The following MTMR14 variants were observed in gnomAD, a reference collection of about 807,000 sequenced individuals.
The protein encoded by MTMR14 is myotubularin related protein 14, also known as phosphatidylinositol-3,5-bisphosphate 3-phosphatase MTMR14.
Under a neutral mutation model 86.3 loss-of-function variants are expected in MTMR14, and 48 were observed. The ratio of observed to expected loss-of-function variants is 0.56; its 90% confidence interval spans 0.44 to 0.71. The LOEUF (loss-of-function observed/expected upper bound fraction) is 0.71. MTMR14 is among the 30% of genes least tolerant of loss of function. MTMR14 has a pLI of 0.00. For missense variants in MTMR14, 780 were observed against 834.6 expected (o/e 0.93, Z 0.81); for synonymous variants, 366 against 326.1 (o/e 1.12, Z -1.32).
chr3:9,662,256 C>T lies in MTMR14; in HGVS notation c.309-11C>T, dbSNP rs1407101948. 1.2e-6 allele frequency: 2 copies of T among 1,611,694 alleles called. No homozygotes were observed. The highest frequency in any genetic ancestry group is 1.7e-6 in the Non-Finnish European group (2 of 1,178,776). On this transcript the variant is annotated splice_polypyrimidine_tract_variant and intron_variant, in intron 2 of 18. Coordinates refer to ENST00000296003, the MANE Select transcript of MTMR14 (RefSeq NM_001077525.3). ...AGTCAGCTTGACCTGCTTCTCTTGC[C>T]TGTGTGTTAGGTTTGAGAGTACCGT...
chr3:9,692,533 C>T (rs540319141), intron 17 of MTMR14, among the ~76,000 whole-genome samples: 1 of 152,368 alleles, frequency 6.6e-6, no homozygotes, highest in South Asian at 2.1e-4. Context: ...GCTCTGAGCT[C>T]ACATGCCTCC....
chr3:9,688,706 T>C lies in MTMR14; in HGVS notation c.1246T>C (p.Leu416=), dbSNP rs760874656. The C allele has an allele frequency of 2.9e-5, 47 of 1,613,996 alleles. No homozygotes were observed. The Middle Eastern group carries it at 4.9e-4, about 17-fold the overall frequency. ...GGCTTCCATTTCTAGGAGGAAGAGTTTGCCAGCCCGGGATGGAGGCTTCAC... is the reference window on the plus strand; with the variant it reads ...GGCTTCCATTTCTAGGAGGAAGAGTCTGCCAGCCCGGGATGGAGGCTTCAC... ...SALKTQRRKS[L]PARDGGFTLE... Residue 416 remains leucine, a synonymous_variant, in exon 15 of 19, where the codon TTG becomes CTG. Transcript: ENST00000296003.
intron 2 of MTMR14, chr3:9,659,763 T>C: frequency 2.2e-6 from 1 of 456,656 alleles, no homozygotes; most frequent in South Asian, 1.5e-5. Context: ...TGGAGCTTGA[T>C]GTAGGGGAAC....
chr3:9,665,969 C>T lies in MTMR14; in HGVS notation c.418-2750C>T, dbSNP rs1222372699. On this transcript the variant is annotated intron_variant, in intron 3 of 18. Transcript: ENST00000296003. The stretch of plus-strand genomic sequence containing the variant: ...GTCTCGATCTCCTGACCTCGTGATC[C>T]GCCCGTCTCGGCCTCCCAAAGTGCT... 4.6e-5 allele frequency among the ~76,000 whole-genome samples: 7 copies of T among 151,486 alleles called. No individual in the cohort carries two copies. In the East Asian group the frequency reaches 9.7e-4, roughly 21 times the overall value.
intron 9 of MTMR14, among the ~76,000 whole-genome samples, chr3:9,679,280 C>T (rs2075682288): frequency 6.6e-6 from 1 of 152,174 alleles, no homozygotes; most frequent in African/African-American, 2.4e-5. Flanking sequence ...GGTCTGGAAG[C>T]CTGGAGAAGG....
rs2047586814 is a variant in MTMR14, at chr3:9,656,101, A to G, written c.308+2332A>G. Among the ~76,000 whole-genome samples the G allele has an allele frequency of 1.3e-5, 2 of 152,082 alleles. 1 individual carries two copies. The highest frequency in any genetic ancestry group is 4.2e-4 in the South Asian group (2 of 4,816). On this transcript the variant is annotated intron_variant, in intron 2 of 18. Coordinates refer to ENST00000296003, the MANE Select transcript of MTMR14 (RefSeq NM_001077525.3). ...TCCCAGCTACTCGGGAGGCTGAGGCAGGAGAATCACTTGAACCCAGGAGGC... is the reference window on the plus strand; with the variant it reads ...TCCCAGCTACTCGGGAGGCTGAGGCGGGAGAATCACTTGAACCCAGGAGGC...
At chr3:9,652,361 T>C (rs962569369) in intron 1 of MTMR14, among the ~76,000 whole-genome samples, 4 of 152,228 alleles carry the variant, frequency 2.6e-5, no homozygotes, top group African/African-American at 9.6e-5. Flanking sequence ...TAGGGGGAGC[T>C]GTTTCTTCTA....
intron 15 of MTMR14, 60 bp from the exon 16 acceptor site, chr3:9,688,883 AG>A: frequency 6.2e-7 from 1 of 1,612,830 alleles, no homozygotes; most frequent in East Asian, 2.2e-5. Flanking sequence ...GGTATAGAAA[AG>A]GTGGGGGACC....
At chr3:9,688,450 C>T (rs959132021) in intron 14 of MTMR14, among the ~76,000 whole-genome samples, 1 of 152,218 alleles carries the variant, frequency 6.6e-6, no homozygotes, top group Non-Finnish European at 1.5e-5. Context: ...ACGCTCAGGG[C>T]ACAAGCTGAT....
At chr3:9,673,962 GATGATGATA>G (rs1352059695) in intron 7 of MTMR14, among the ~76,000 whole-genome samples, 1 of 152,218 alleles carries the variant, frequency 6.6e-6, no homozygotes, top group African/African-American at 2.4e-5. Context: ...TGATGATGAT[GATGATGATA>G]ATGATGCTGG....
intron 3 of MTMR14, 86 bp downstream of exon 3, chr3:9,662,461 C>A: frequency 9.0e-7 from 1 of 1,105,872 alleles, no homozygotes; most frequent in Non-Finnish European, 1.4e-6. Flanking sequence ...TTTTTTCCCT[C>A]AACATTAGTA....
chr3:9,656,107 A>G (rs540370372), intron 2 of MTMR14, among the ~76,000 whole-genome samples: 2 of 152,214 alleles, frequency 1.3e-5, no homozygotes, highest in African/African-American at 2.4e-5. Context: ...AGGCAGGAGA[A>G]TCACTTGAAC....
intron 17 of MTMR14, among the ~76,000 whole-genome samples, chr3:9,691,130 TA>T (rs2076126437): frequency 6.6e-6 from 1 of 152,336 alleles, no homozygotes; most frequent in Non-Finnish European, 1.5e-5. Context: ...GCAGAGCAGA[TA>T]AGCGGGAGGC....
intron 17 of MTMR14, among the ~76,000 whole-genome samples, chr3:9,690,351 A>G (rs894798228): frequency 2.6e-5 from 4 of 152,214 alleles, no homozygotes; most frequent in South Asian, 2.1e-4. Flanking sequence ...GAACCCTAGC[A>G]TAATGCAGGG....
At chr3:9,691,245 G>A (rs1359681675) in intron 17 of MTMR14, among the ~76,000 whole-genome samples, 2 of 152,202 alleles carry the variant, frequency 1.3e-5, no homozygotes, top group Admixed American at 1.3e-4. Flanking sequence ...CTGAGCCTGT[G>A]AAACCACCGC....
intron 16 of MTMR14, 148 bp from the exon 17 acceptor site, chr3:9,689,816 C>G (rs1231231089): frequency 1.3e-6 from 1 of 747,320 alleles, no homozygotes; most frequent in African/African-American, 1.7e-5. Flanking sequence ...CTGCCCATGG[C>G]CCTGAGCTGG....
chr3:9,654,608 T>C (rs769171407), intron 2 of MTMR14, among the ~76,000 whole-genome samples: 2 of 152,244 alleles, frequency 1.3e-5, no homozygotes, highest in African/African-American at 2.4e-5. Context: ...CCCTACTTCC[T>C]GCTGATTTTA....
At chr3:9,672,073 A>G (rs2048593366) in intron 6 of MTMR14, among the ~76,000 whole-genome samples, 1 of 152,196 alleles carries the variant, frequency 6.6e-6, no homozygotes, top group African/African-American at 2.4e-5. Context: ...CCATAGGATC[A>G]TATTATTTGG....
chr3:9,697,854 C>CT lies in MTMR14; in HGVS notation c.1758dup (p.Asn587Ter). ...CCTTTCAGCTTCCCGGATGAGCTCC[C>CT]TAACAGTTGTCTGTAAGTGTCTTGC... On this transcript the variant is annotated frameshift_variant, in exon 18 of 19. Transcript: ENST00000296003. LOFTEE classifies it high-confidence loss of function. The CT allele has an allele frequency of 6.2e-7, 1 of 1,614,168 alleles. No individual in the cohort carries two copies. Among genetic ancestry groups the CT allele is most frequent in the Non-Finnish European group, 8.5e-7 (1 of 1,180,030 alleles).
Sources: allele counts gnomAD v4.1 joint callset (sites outside exome capture counted in the v4.1 genomes callset), GRCh38; gene constraint gnomAD v4.1.1; transcripts MANE v1.5; gene names NCBI Gene and HGNC (gene_info 2026-07-23, HGNC 2026-07-21).